Variants in CHD8 observed in about 807,000 individuals in gnomAD.
CHD8 encodes chromodomain helicase DNA binding protein 8, also known as ATP-dependent chromatin remodeler CHD8.
In CHD8, 31 loss-of-function variants were observed where a neutral mutation model predicts 279.2. The ratio of observed to expected loss-of-function variants is 0.11; its 90% CI spans 0.08 to 0.15. The LOEUF (loss-of-function observed/expected upper bound fraction) is 0.15. Among genes scored for constraint, CHD8 ranks in the 10% least tolerant of loss-of-function variants. CHD8 has a pLI of 1.00. For synonymous variants in CHD8, 1,081 were observed against 1,139.6 expected (o/e 0.95, Z 1.04); for missense variants, 2,146 against 3,230.5 (o/e 0.66, Z 8.14).
chr14:21,411,658 TAA>T (rs1198223303), intron 10 of CHD8, among the ~76,000 whole-genome samples: 1 of 152,112 alleles, frequency 6.6e-6, no homozygotes, highest in African/African-American at 2.4e-5. Context: ...AGGAAAAATA[TAA>T]AGTGACAAAT....
At chr14:21,386,456 TCTTTA>T (rs1322230391) in intron 37 of CHD8, 1 of 463,230 alleles carries the variant, frequency 2.2e-6, no homozygotes, top group Non-Finnish European at 3.9e-6. Flanking sequence ...CTATATTGTA[TCTTTA>T]CTTTAGTCAA....
At chr14:21,442,015 G>C (rs989536299) in intron 1 of CHD8, among the ~76,000 whole-genome samples, 3 of 152,360 alleles carry the variant, frequency 2.0e-5, no homozygotes, top group Middle Eastern at 3.4e-3. Context: ...TAGATTTTGA[G>C]AGTTATTAGC....
intron 37 of CHD8, among the ~76,000 whole-genome samples, chr14:21,386,836 CAAAAA>C (rs36092694): frequency 7.5e-6 from 1 of 133,706 alleles, no homozygotes; most frequent in African/African-American, 2.8e-5. Context: ...GACTCCGTCT[CAAAAA>C]AAAAAAAAAA....
chr14:21,431,730 A>G lies in CHD8; in HGVS notation c.-87T>C. On this transcript the variant is annotated 5_prime_UTR_variant, in exon 2 of 38. Transcript: ENST00000646647. Reference sequence around the variant, plus strand: ...TGGCTCTCCCCTCCCCTCCCCTATTAAGAAAAAAATGTACACAATGTAAGA... The same window carrying G: ...TGGCTCTCCCCTCCCCTCCCCTATTGAGAAAAAAATGTACACAATGTAAGA... The G allele has an allele frequency of 6.2e-7, 1 of 1,611,488 alleles. No individual in the cohort carries two copies. Among genetic ancestry groups the G allele is most frequent in the Non-Finnish European group, 8.5e-7 (1 of 1,178,452 alleles).
rs567815371 is a variant in CHD8, at chr14:21,426,102, A to G, written c.1716+26T>C. 8.2e-6 allele frequency: 11 copies of G among 1,345,944 alleles called. No homozygotes were observed. In the Admixed American group the frequency reaches 1.7e-4, roughly 20 times the overall value. 83.4% of individuals were successfully genotyped at this position (1,345,944 alleles called of 1,614,324 possible). On this transcript the variant is annotated intron_variant, in intron 5 of 37. Coordinates refer to ENST00000646647, the MANE Select transcript of CHD8 (RefSeq NM_001170629.2). Reference sequence around the variant, plus strand: ...GCCATAATTAAACATGGTTTTTTCTACTAAATTCTTTTGGGATCCTTTTAC... The same window carrying G: ...GCCATAATTAAACATGGTTTTTTCTGCTAAATTCTTTTGGGATCCTTTTAC...
Position 21,386,384 on chromosome 14 carries a change from T to C in CHD8, c.7183-208A>G, listed in dbSNP as rs973425484. The C allele has an allele frequency of 6.5e-5, 38 of 584,414 alleles. 1 individual carries two copies. The highest frequency in any genetic ancestry group is 5.6e-4 in the African/African-American group (30 of 53,706). 36.2% of individuals were successfully genotyped at this position (584,414 alleles called of 1,614,324 possible). A position where few individuals can be genotyped will look rare whatever the true frequency, so the allele number is the denominator to read the frequency against. On this transcript the variant is annotated intron_variant, in intron 37 of 37. Transcript: ENST00000646647. ...TGGTTGAAACATTCTGATACTAAAG[T>C]TAAGATCAATGATTTTGTACCGAAA... is the stretch of plus-strand genomic sequence containing the variant.
At position 21,451,571 on chromosome 14, in the gene CHD8, CAAAAAAAAAAA is replaced by C. The variant is rs969355375; in HGVS notation, c.-216+4450_-216+4460del. Reference sequence around the variant, plus strand: ...TGGGCAACAGAGTGAGACTCTGTCTCAAAAAAAAAAAAAAAAAAAAAAAAAAAAAAGTAATT... The same window carrying C: ...TGGGCAACAGAGTGAGACTCTGTCTCAAAAAAAAAAAAAAAAAAAGTAATT... On this transcript the variant is annotated intron_variant, in intron 1 of 37. Coordinates refer to ENST00000646647, the MANE Select transcript of CHD8 (RefSeq NM_001170629.2). 1.0e-3 allele frequency among the ~76,000 whole-genome samples: 32 copies of C among 31,634 alleles called. 1 individual carries two copies. Among genetic ancestry groups the C allele is most frequent in the South Asian group, 4.0e-3 (3 of 742 alleles). The allele number at this position is 31,634 out of a possible 152,430, so 20.8% of individuals were successfully genotyped here.
chr14:21,447,138 C>T (rs1018995309), intron 1 of CHD8, among the ~76,000 whole-genome samples: 2 of 152,200 alleles, frequency 1.3e-5, no homozygotes, highest in African/African-American at 2.4e-5. Flanking sequence ...CAGAAACATT[C>T]AGAAGTATCA....
intron 34 of CHD8, 31 bp downstream of exon 34, chr14:21,392,476 C>T: frequency 6.3e-7 from 1 of 1,590,836 alleles, no homozygotes; most frequent in South Asian, 1.1e-5. Flanking sequence ...GCCTCCTTCC[C>T]CACTTCCCAA....
At chr14:21,454,366 G>A (rs1890334846) in intron 1 of CHD8, among the ~76,000 whole-genome samples, 1 of 152,102 alleles carries the variant, frequency 6.6e-6, no homozygotes, top group Admixed American at 6.6e-5. Context: ...CGCCCAGGCC[G>A]GAATGCAGGG....
rs1195101547 is a variant in CHD8 at position 21,424,637 on chromosome 14, A to AT, written c.1716+1490dup. 4.6e-5 allele frequency among the ~76,000 whole-genome samples: 7 copies of AT among 151,858 alleles called. No homozygotes were observed. In the South Asian group the frequency reaches 8.3e-4, roughly 18 times the overall value. ...AGGCGCCCACCACCACGCCCGGCTA[A>AT]TTTTTTTGTATTTTTGGTAGAGACG... On this transcript the variant is annotated intron_variant, in intron 5 of 37. Coordinates refer to ENST00000646647, the MANE Select transcript of CHD8 (RefSeq NM_001170629.2).
chr14:21,432,535 C>G (rs1889606463), intron 1 of CHD8, among the ~76,000 whole-genome samples: 1 of 152,164 alleles, frequency 6.6e-6, no homozygotes, highest in Non-Finnish European at 1.5e-5. Context: ...AATTTATATT[C>G]CCAACTTCCT....
Position 21,402,548 on chromosome 14 carries a change from A to C in CHD8, c.3715-45T>G, listed in dbSNP as rs771900456. ...AAAGGAAAGGAGAAAGATATCATAA[A>C]ATTAGCAAGGGAAAGGATACAAAAT... On this transcript the variant is annotated intron_variant, in intron 18 of 37. Transcript: ENST00000646647. This position sits in a 1 kb window ranked among gnomAD's most constrained non-coding sequence, Gnocchi z 4.5. 12 of 1,521,598 alleles carry C rather than the reference A, an allele frequency of 7.9e-6. No homozygotes were observed. The East Asian group carries it at 1.6e-4, about 20-fold the overall frequency. 94.3% of individuals were successfully genotyped at this position (1,521,598 alleles called of 1,614,324 possible).
intron 2 of CHD8, chr14:21,430,206 G>A (rs1594378437): frequency 6.4e-6 from 1 of 155,686 alleles, no homozygotes; most frequent in African/African-American, 2.4e-5. Context: ...GGGATCACAG[G>A]TGAGAGACAT....
chr14:21,426,959 A>C (rs909926085), intron 4 of CHD8: 1 of 152,260 alleles, frequency 6.6e-6, no homozygotes, highest in African/African-American at 2.4e-5. Context: ...AGGTAGTGAG[A>C]AATCTCTTTC....
chr14:21,397,790 TAG>T (rs747027602), intron 27 of CHD8, 31 bp downstream of exon 27: 1 of 1,605,344 alleles, frequency 6.2e-7, no homozygotes, highest in Non-Finnish European at 8.5e-7. Context: ...CGGCACAAGT[TAG>T]AGTTTTAAAA....
chr14:21,388,599 C>T (rs1187246119), intron 37 of CHD8, among the ~76,000 whole-genome samples: 1 of 152,064 alleles, frequency 6.6e-6, no homozygotes, highest in East Asian at 1.9e-4. Context: ...CTCAAGTGAT[C>T]CTCCTGCCTC....
chr14:21,453,716 T>C (rs1890311236), intron 1 of CHD8, among the ~76,000 whole-genome samples: 1 of 151,878 alleles, frequency 6.6e-6, no homozygotes, highest in East Asian at 1.9e-4. Context: ...GCTCAGAAGA[T>C]AGCTTAACTC....
intron 1 of CHD8, among the ~76,000 whole-genome samples, chr14:21,447,305 A>T (rs1158833637): frequency 6.6e-6 from 1 of 152,076 alleles, no homozygotes; most frequent in Non-Finnish European, 1.5e-5. Context: ...CGTTAGGGTT[A>T]GGACTATAAT....
Sources: gnomAD v4.1 joint callset for allele counts (sites outside exome capture counted in the v4.1 genomes callset) on GRCh38, gnomAD v4.1.1 for gene constraint, Gnocchi (gnomAD v3.1) non-coding constraint, MANE v1.5 for transcripts, NCBI Gene and HGNC (gene_info 2026-07-23, HGNC 2026-07-21) for gene names.